The following UBE3D variants were observed in gnomAD, a reference collection of about 807,000 sequenced individuals.
UBE3D encodes E3 ubiquitin-protein ligase E3D.
In UBE3D, 48 loss-of-function variants were observed where a neutral mutation model predicts 49.6. That is an observed-to-expected ratio of 0.97 (90% CI 0.77 to 1.23). UBE3D has a LOEUF of 1.23. Among genes scored for constraint, UBE3D ranks in the 50% most tolerant of loss-of-function variants. The pLI is 0.00. For missense variants in UBE3D, 452 were observed against 468.4 expected, an observed-to-expected ratio of 0.96 and a Z score of 0.32; for synonymous variants, 189 against 174.2, an observed-to-expected ratio of 1.08 and a Z score of -0.67.
intron 9 of UBE3D, among the ~76,000 whole-genome samples, chr6:82,903,003 ATC>A (rs2127718956): frequency 6.6e-6 from 1 of 152,300 alleles, no homozygotes; most frequent in East Asian, 1.9e-4. Flanking sequence ...GTGTGAGTAG[ATC>A]TCTGTCTCTG....
the UBE3D span, among the ~76,000 whole-genome samples, chr6:82,881,088 T>G: frequency 6.6e-6 from 1 of 152,070 alleles, no homozygotes; most frequent in African/African-American, 2.4e-5. Context: ...ATACATGAAT[T>G]TTAAGGGGAC....
intron 8 of UBE3D, among the ~76,000 whole-genome samples, chr6:82,985,990 T>A (rs1205860685): frequency 6.6e-6 from 1 of 152,162 alleles, no homozygotes; most frequent in East Asian, 1.9e-4. Context: ...TTCAAGGGTT[T>A]TCCTAACTAT....
chr6:82,908,922 G>A (rs113343677), intron 9 of UBE3D, among the ~76,000 whole-genome samples: 5 of 152,264 alleles, frequency 3.3e-5, no homozygotes, highest in African/African-American at 1.2e-4. Flanking sequence ...GGCTCAGGCT[G>A]CAGGTGAGTC....
chr6:82,889,455 G>A (rs1285767185), downstream of UBE3D, among the ~76,000 whole-genome samples: 1 of 152,074 alleles, frequency 6.6e-6, no homozygotes, highest in African/African-American at 2.4e-5. Context: ...TGCTAATATC[G>A]GTGGATCCTT....
chr6:83,003,144 A>C (rs1018476122), intron 8 of UBE3D, among the ~76,000 whole-genome samples: 26 of 152,310 alleles, frequency 1.7e-4, no homozygotes, highest in African/African-American at 6.0e-4. Context: ...TAAGACAACT[A>C]CTTCAGGTCT....
chr6:82,899,975 G>T (rs894050649), intron 9 of UBE3D, among the ~76,000 whole-genome samples: 2 of 152,116 alleles, frequency 1.3e-5, no homozygotes, highest in Non-Finnish European at 2.9e-5. Flanking sequence ...TACCAGTATG[G>T]GTGGGTGTTA....
At chr6:82,886,506 G>A in the UBE3D span, among the ~76,000 whole-genome samples, 1 of 152,142 alleles carries the variant, frequency 6.6e-6, no homozygotes, top group African/African-American at 2.4e-5. Context: ...TCCATAGCCC[G>A]GGGGTTGGAG....
At chr6:82,940,010 T>G (rs1774892238) in intron 9 of UBE3D, among the ~76,000 whole-genome samples, 2 of 152,134 alleles carry the variant, frequency 1.3e-5, no homozygotes, top group Non-Finnish European at 2.9e-5. Flanking sequence ...CTCAACTCCT[T>G]GGTAGGGACA....
chr6:82,995,156 C>G (rs1218364810), intron 8 of UBE3D, among the ~76,000 whole-genome samples: 1 of 152,054 alleles, frequency 6.6e-6, no homozygotes, highest in African/African-American at 2.4e-5. Flanking sequence ...CAGAGGCAAA[C>G]CAGGAGAATG....
chr6:83,058,309 G>A (rs1333182714), intron 1 of UBE3D, among the ~76,000 whole-genome samples: 1 of 152,126 alleles, frequency 6.6e-6, no homozygotes, highest in Non-Finnish European at 1.5e-5. Flanking sequence ...GTAAATCAGA[G>A]CAAAGTACTG....
chr6:83,054,171 G>A lies in UBE3D; in HGVS notation c.342C>T (p.Cys114=), dbSNP rs200573592. ...QECCTFYCQS[C]GEVIIKDRKL... is the part of the protein sequence containing the mutation. ...ACCTGTCTTTTATTATGACTTCACC[G>A]CAGGATTGGCAATAAAACGTGCAAC... Residue 114 remains cysteine, a synonymous_variant, in exon 3 of 10, where the codon TGC becomes TGT. Transcript: ENST00000369747. 3.5e-5 allele frequency: 57 copies of A among 1,613,696 alleles called. No homozygotes were observed. Among genetic ancestry groups the A allele is most frequent in the East Asian group, 1.6e-4 (7 of 44,852 alleles).
At chr6:83,020,596 C>T (rs1471206700) in intron 7 of UBE3D, among the ~76,000 whole-genome samples, 1 of 152,176 alleles carries the variant, frequency 6.6e-6, no homozygotes, top group East Asian at 1.9e-4. Context: ...GAAGTTCCTA[C>T]TCCCGATCTT....
chr6:82,987,273 T>C (rs1365825828), intron 8 of UBE3D, among the ~76,000 whole-genome samples: 6 of 152,160 alleles, frequency 3.9e-5, no homozygotes. Flanking sequence ...CTCAGCTACT[T>C]GAAGTGCTGG....
rs142232486 is a variant in UBE3D, at chr6:82,956,744, A to T, written c.1149+568T>A. Among the ~76,000 whole-genome samples, 27 of 152,298 alleles carry T rather than the reference A, an allele frequency of 1.8e-4. No homozygotes were observed. The East Asian group carries it at 5.0e-3, about 28-fold the overall frequency. On this transcript the variant is annotated intron_variant, in intron 9 of 9. Coordinates refer to ENST00000369747, the MANE Select transcript of UBE3D (RefSeq NM_198920.3). Reference sequence around the variant, plus strand: ...CAGAGGCAAGATGGGAGCTGGAGAGAAAGCCTGGAGTTATACAGCTGTGAG... The same window carrying T: ...CAGAGGCAAGATGGGAGCTGGAGAGTAAGCCTGGAGTTATACAGCTGTGAG...
chr6:82,984,857 G>A (rs1778351418), intron 8 of UBE3D, among the ~76,000 whole-genome samples: 3 of 151,960 alleles, frequency 2.0e-5, no homozygotes, highest in Admixed American at 2.0e-4. Flanking sequence ...CTGTTGCCCT[G>A]GCTGGAGTTC....
chr6:82,913,411 T>C (rs1200930496), intron 9 of UBE3D, among the ~76,000 whole-genome samples: 1 of 152,232 alleles, frequency 6.6e-6, no homozygotes, highest in Non-Finnish European at 1.5e-5. Context: ...AGGCTGAGGA[T>C]AACTAGGTTG....
At chr6:83,039,415 CATAA>C (rs1254241142) in intron 4 of UBE3D, among the ~76,000 whole-genome samples, 4 of 152,128 alleles carry the variant, frequency 2.6e-5, no homozygotes, top group Non-Finnish European at 5.9e-5. Context: ...TTTTCTTTGG[CATAA>C]ATAATTTCCT....
intron 9 of UBE3D, among the ~76,000 whole-genome samples, chr6:82,918,139 G>A (rs1010697733): frequency 6.6e-6 from 1 of 152,034 alleles, no homozygotes; most frequent in Non-Finnish European, 1.5e-5. Flanking sequence ...AATTGAAATG[G>A]ATGCAGGGAG....
chr6:82,993,907 T>C (rs1222938287), intron 8 of UBE3D, among the ~76,000 whole-genome samples: 2 of 152,216 alleles, frequency 1.3e-5, no homozygotes, highest in South Asian at 4.1e-4. Flanking sequence ...GTGCTACACA[T>C]TGTATGTTTG....
Sources: gnomAD v4.1 joint callset for allele counts (sites outside exome capture counted in the v4.1 genomes callset) on GRCh38, gnomAD v4.1.1 for gene constraint, MANE v1.5 for transcripts, NCBI Gene and HGNC (gene_info 2026-07-23, HGNC 2026-07-21) for gene names.